Variants in PHLDB1 observed in about 807,000 individuals in gnomAD.
PHLDB1 encodes pleckstrin homology like domain family B member 1.
A neutral mutation model predicts 139.3 loss-of-function variants in PHLDB1; 65 were observed. The observed-to-expected ratio is 0.47, with a 90% CI of 0.38 to 0.57. PHLDB1 has a LOEUF of 0.57. Among genes scored for constraint, PHLDB1 ranks in the 20% least tolerant of loss-of-function variants. The probability of loss-of-function intolerance (pLI) is 0.00; values close to 1 mark genes in which losing one functional copy is unlikely to be tolerated. For synonymous variants in PHLDB1, 679 were observed against 734.5 expected, an observed-to-expected ratio of 0.92 and a Z score of 1.22; for missense variants, 1,624 against 1,839.7, an observed-to-expected ratio of 0.88 and a Z score of 2.14.
rs782237756 is a variant in PHLDB1 at position 118,627,846 on chromosome 11, G to A, written c.1023G>A (p.Ala341=). ...LTDSPAATVL[A]EARRATESPR... ...ACAGCCCTGCAGCTACTGTCTTGGCGGAGGCCCGGAGAGCCACTGAGAGCC... is the reference window on the plus strand; with the variant it reads ...ACAGCCCTGCAGCTACTGTCTTGGCAGAGGCCCGGAGAGCCACTGAGAGCC... The change falls in exon 6 of 23, where the codon GCG becomes GCA. Residue 341 remains alanine (A), a synonymous_variant. Coordinates refer to ENST00000600882, the MANE Select transcript of PHLDB1 (RefSeq NM_001144758.3). 3.2e-5 allele frequency: 51 copies of A among 1,607,370 alleles called. No individual in the cohort carries two copies. Among genetic ancestry groups the A allele is most frequent in the East Asian group, 4.5e-5 (2 of 44,888 alleles).
intron 17 of PHLDB1, chr11:118,647,025 G>A (rs1947636445): frequency 6.6e-6 from 1 of 152,146 alleles, no homozygotes; most frequent in Admixed American, 6.5e-5. Flanking sequence ...GACATATAAA[G>A]CATCACTGAC....
At chr11:118,647,774 G>A in intron 17 of PHLDB1, 156 bp from the exon 18 acceptor site, 1 of 741,136 alleles carries the variant, frequency 1.3e-6, no homozygotes. Context: ...TCTTTAACCA[G>A]CCAGGGCTCT....
intron 6 of PHLDB1, chr11:118,630,122 TC>T (rs1240468060): frequency 8.3e-7 from 1 of 1,211,878 alleles, no homozygotes; most frequent in Non-Finnish European, 1.1e-6. Flanking sequence ...TCTCTCCACT[TC>T]CTGCGGTTTG....
intron 4 of PHLDB1, among the ~76,000 whole-genome samples, chr11:118,623,651 A>T (rs950978201): frequency 1.3e-5 from 2 of 152,022 alleles, no homozygotes; most frequent in Non-Finnish European, 2.9e-5. Flanking sequence ...AGCTCTCCTA[A>T]GGTCACAAAA....
chr11:118,624,732 G>T, intron 4 of PHLDB1: 1 of 518,196 alleles, frequency 1.9e-6, no homozygotes, highest in Non-Finnish European at 3.5e-6. Context: ...CTCCTGAGTA[G>T]CTGGGATTAT....
chr11:118,644,698 C>T (rs754462404), intron 15 of PHLDB1: 38 of 1,289,050 alleles, frequency 2.9e-5, no homozygotes, highest in African/African-American at 3.0e-5. Context: ...GCAGGTAGAA[C>T]GTTGGTCATA....
chr11:118,622,633 C>G (rs1943060393), intron 4 of PHLDB1, among the ~76,000 whole-genome samples: 1 of 152,178 alleles, frequency 6.6e-6, no homozygotes, highest in East Asian at 1.9e-4. Context: ...CTCCCTGCCT[C>G]CTTCCCAGCC....
intron 1 of PHLDB1, among the ~76,000 whole-genome samples, chr11:118,612,386 T>G (rs1173662784): frequency 3.3e-5 from 5 of 152,210 alleles, no homozygotes; most frequent in African/African-American, 1.2e-4. Context: ...ACCCACTCTC[T>G]TGCCCCTCCT....
At chr11:118,644,278 T>G (rs1947082130) in intron 15 of PHLDB1, 104 bp downstream of exon 15, 1 of 804,316 alleles carries the variant, frequency 1.2e-6, no homozygotes, top group African/African-American at 1.7e-5. Flanking sequence ...TTTCCTTTAA[T>G]TGGGATCTAG....
At chr11:118,655,352 G>A in intron 20 of PHLDB1, 1 of 371,558 alleles carries the variant, frequency 2.7e-6, no homozygotes. Context: ...TTTGTTGTAT[G>A]TTTTTGTCAT....
chr11:118,614,713 C>T (rs782450583), intron 3 of PHLDB1, 31 bp downstream of exon 3: 2 of 1,609,116 alleles, frequency 1.2e-6, no homozygotes, highest in South Asian at 2.2e-5. Context: ...TCACTCACCA[C>T]CCCTCTATCC....
intron 11 of PHLDB1, 68 bp from the exon 12 acceptor site, chr11:118,639,094 C>T: frequency 6.4e-7 from 1 of 1,555,948 alleles, no homozygotes; most frequent in Non-Finnish European, 8.9e-7. Context: ...TGGGGTGGAG[C>T]ACAGGGCCCC....
In PHLDB1 at chr11:118,655,556, A is replaced by C. The variant is rs112376925; in HGVS notation, c.3875-49A>C. Reference sequence around the variant, plus strand: ...CATGGAGCTCCACGTAAATGGAGCTAGACCTGAAGTGTGACCGGCTCCATA... The same window carrying C: ...CATGGAGCTCCACGTAAATGGAGCTCGACCTGAAGTGTGACCGGCTCCATA... On this transcript the variant is annotated intron_variant, in intron 20 of 22. Coordinates refer to ENST00000600882, the MANE Select transcript of PHLDB1 (RefSeq NM_001144758.3). 876 of 1,165,112 alleles carry C rather than the reference A, an allele frequency of 7.5e-4. 6 individuals carry two copies. In the African/African-American group the frequency reaches 8.1e-3, roughly 11 times the overall value. 72.2% of individuals were successfully genotyped at this position (1,165,112 alleles called of 1,614,324 possible).
rs1273946688 is a variant in PHLDB1, at chr11:118,650,767, T to C, written c.3874+220T>C. 3.5e-6 allele frequency: 2 copies of C among 571,174 alleles called. No homozygotes were observed. The highest frequency in any genetic ancestry group is 6.3e-6 in the Non-Finnish European group (2 of 318,712). The allele number at this position is 571,174 out of a possible 1,614,324, so 35.4% of individuals were successfully genotyped here. ...CTTCATTCAGCAATGTTACTAAGCA[T>C]CTAGTAAGTTCTAGGCACTGTTCTA... On this transcript the variant is annotated intron_variant, in intron 20 of 22. Coordinates refer to ENST00000600882, the MANE Select transcript of PHLDB1 (RefSeq NM_001144758.3). The surrounding 1 kb of genome is among the most constrained non-coding windows in gnomAD (Gnocchi z 4.7).
chr11:118,654,131 A>C (rs1948705847), intron 20 of PHLDB1: 1 of 152,240 alleles, frequency 6.6e-6, no homozygotes, highest in Non-Finnish European at 1.5e-5. Context: ...GCACCATTGA[A>C]TTTAGTGATT....
Position 118,650,857 on chromosome 11 carries a change from A to ACC in PHLDB1, c.3874+310_3874+311insCC. On this transcript the variant is annotated intron_variant, in intron 20 of 22. Transcript: ENST00000600882. This position sits in a 1 kb window ranked among gnomAD's most constrained non-coding sequence, Gnocchi z 4.7. ...GAGCTTATAATCAGGGAAGCAGACA[A>ACC]GAGTGATAACCACGCACAATGGGTA... 6 of 392,188 alleles carry ACC rather than the reference A, an allele frequency of 1.5e-5. No individual in the cohort carries two copies. The highest frequency in any genetic ancestry group is 5.5e-5 in the South Asian group (2 of 36,246). 24.3% of individuals were successfully genotyped at this position (392,188 alleles called of 1,614,324 possible). A position where few individuals can be genotyped will look rare whatever the true frequency, so the allele number is the denominator to read the frequency against.
chr11:118,645,698 C>A lies in PHLDB1; in HGVS notation c.3417-37C>A. The stretch of plus-strand genomic sequence containing the variant: ...CAGCCTCCCTCAGCCACCGCCTCAG[C>A]TCCTTGATGCACTTCCTCTTCCCCT... On this transcript the variant is annotated intron_variant, in intron 16 of 22. Coordinates refer to ENST00000600882, the MANE Select transcript of PHLDB1 (RefSeq NM_001144758.3). This position sits in a 1 kb window ranked among gnomAD's most constrained non-coding sequence, Gnocchi z 5.1. 6.2e-7 allele frequency: 1 copy of A among 1,611,282 alleles called. No homozygotes were observed. Among genetic ancestry groups the A allele is most frequent in the Non-Finnish European group, 8.5e-7 (1 of 1,177,376 alleles).
At position 118,645,857 on chromosome 11, in the gene PHLDB1, G is replaced by A. The variant is rs377089202; in HGVS notation, c.3507+32G>A. ...CTGACCTGGATCGGGGAGGCAGAAG[G>A]TGTTGGGGCACAGAGCTACCTACTG... On this transcript the variant is annotated intron_variant, in intron 17 of 22. Transcript: ENST00000600882. The surrounding 1 kb of genome is among the most constrained non-coding windows in gnomAD (Gnocchi z 5.1). The A allele has an allele frequency of 6.1e-5, 87 of 1,415,214 alleles. No individual in the cohort carries two copies. The highest frequency in any genetic ancestry group is 8.5e-5 in the Non-Finnish European group (85 of 999,282). The allele number at this position is 1,415,214 out of a possible 1,614,324, so 87.7% of individuals were successfully genotyped here.
Position 118,632,409 on chromosome 11 carries a change from A to G in PHLDB1, c.2379+113A>G. 8.9e-7 allele frequency: 1 copy of G among 1,120,220 alleles called. No individual in the cohort carries two copies. The highest frequency in any genetic ancestry group is 1.3e-6 in the Non-Finnish European group (1 of 770,772). The allele number at this position is 1,120,220 out of a possible 1,614,324, so 69.4% of individuals were successfully genotyped here. On this transcript the variant is annotated intron_variant, in intron 9 of 22. Coordinates refer to ENST00000600882, the MANE Select transcript of PHLDB1 (RefSeq NM_001144758.3). The surrounding 1 kb of genome is among the most constrained non-coding windows in gnomAD (Gnocchi z 5.9). ...ACCTCATCATCCATTCTGCAGTACA[A>G]GTGGTCTCTGTGGCTTTCCAGAGAC... is the stretch of plus-strand genomic sequence containing the variant.
Sources: gnomAD v4.1 joint callset for allele counts (sites outside exome capture counted in the v4.1 genomes callset) on GRCh38, gnomAD v4.1.1 for gene constraint, Gnocchi (gnomAD v3.1) non-coding constraint, MANE v1.5 for transcripts, NCBI Gene and HGNC (gene_info 2026-07-23, HGNC 2026-07-21) for gene names.